NRP2: variants seen among roughly 807,000 people sequenced by gnomAD.
NRP2 encodes the protein neuropilin-2.
In NRP2, 52 loss-of-function variants were observed where a neutral mutation model predicts 110.4. The ratio of observed to expected loss-of-function variants is 0.47; its 90% CI spans 0.38 to 0.59. The LOEUF is 0.59. NRP2 is among the 20% of genes least tolerant of loss of function. The pLI, the probability that NRP2 is intolerant of heterozygous loss-of-function variation, is 0.00. For synonymous variants in NRP2, 508 were observed against 468.9 expected, an observed-to-expected ratio of 1.08 and a Z score of -1.08; for missense variants, 1,049 against 1,203.0, an observed-to-expected ratio of 0.87 and a Z score of 1.89.
chr2:205,753,568 A>G (rs35761263), intron 12 of NRP2, among the ~76,000 whole-genome samples: 6,775 of 152,258 alleles, frequency 0.044, 179 homozygotes, highest in Middle Eastern at 0.054. Context: ...AGTTTCAGAA[A>G]GCCAGATTTC....
At chr2:205,755,686 A>G (rs561238499) in intron 12 of NRP2, among the ~76,000 whole-genome samples, 68 of 151,940 alleles carry the variant, frequency 4.5e-4, no homozygotes, top group African/African-American at 1.6e-3. Flanking sequence ...GGGGCAGAGC[A>G]ACTGCTAATG....
At chr2:205,741,168 T>C (rs11689420) in intron 8 of NRP2, among the ~76,000 whole-genome samples, 69,867 of 152,156 alleles carry the variant, frequency 0.46, 16,307 homozygotes, top group African/African-American at 0.51. Flanking sequence ...TGTGTGGGCA[T>C]ATGGACAAGT....
In NRP2 at chr2:205,711,773, T is replaced by A. The variant is rs143993050; in HGVS notation, c.252-4420T>A. 1.5e-3 allele frequency among the ~76,000 whole-genome samples: 225 copies of A among 152,228 alleles called. 1 individual carries two copies. The highest frequency in any genetic ancestry group is 0.01 in the South Asian group (49 of 4,820). On this transcript the variant is annotated intron_variant, in intron 2 of 16. Transcript: ENST00000357785. ...GATACAGAAATCCCCTTCCAAGTGGTTCTGTGTGGCATCCCTAAAGCTGGA... is the reference window on the plus strand; with the variant it reads ...GATACAGAAATCCCCTTCCAAGTGGATCTGTGTGGCATCCCTAAAGCTGGA...
chr2:205,783,626 G>T (rs1219790226), intron 15 of NRP2, among the ~76,000 whole-genome samples: 2 of 152,200 alleles, frequency 1.3e-5, no homozygotes, highest in Non-Finnish European at 2.9e-5. Context: ...AATACCCAAA[G>T]GAAAGGCACT....
At chr2:205,753,395 G>C (rs565953451) in intron 12 of NRP2, among the ~76,000 whole-genome samples, 133 of 152,296 alleles carry the variant, frequency 8.7e-4, no homozygotes, top group African/African-American at 3.2e-3. Flanking sequence ...CTGGCCTTGA[G>C]TTTGATTTAT....
intron 8 of NRP2, among the ~76,000 whole-genome samples, chr2:205,741,362 T>C (rs1489418933): frequency 3.3e-5 from 5 of 152,120 alleles, no homozygotes; most frequent in African/African-American, 4.8e-5. Context: ...ATAACAGACA[T>C]TACCTGGTGA....
At chr2:205,732,776 TG>T (rs1235994666) in intron 7 of NRP2, among the ~76,000 whole-genome samples, 9 of 152,244 alleles carry the variant, frequency 5.9e-5, no homozygotes, top group Non-Finnish European at 1.3e-4. Context: ...GGGCCTGCAT[TG>T]AGCTGCCTCA....
chr2:205,713,979 C>T (rs1233802606), intron 2 of NRP2, among the ~76,000 whole-genome samples: 1 of 152,154 alleles, frequency 6.6e-6, no homozygotes, highest in Non-Finnish European at 1.5e-5. Context: ...TTTCCATTCC[C>T]GCTGATACTA....
intron 12 of NRP2, among the ~76,000 whole-genome samples, chr2:205,755,799 C>T (rs1240554502): frequency 6.6e-6 from 1 of 152,068 alleles, no homozygotes; most frequent in Non-Finnish European, 1.5e-5. Context: ...GAGCGTGTGC[C>T]ATATGCTTCA....
chr2:205,767,419 C>T (rs773077114), intron 15 of NRP2: 11 of 517,314 alleles, frequency 2.1e-5, no homozygotes, highest in Non-Finnish European at 2.3e-5. Flanking sequence ...ATTTAGGACC[C>T]GGTGTCCAGT....
In NRP2 at chr2:205,716,236, G is replaced by A. The variant is rs1443129896; in HGVS notation, c.295G>A (p.Asp99Asn). 1 of 1,614,198 alleles carries A rather than the reference G, an allele frequency of 6.2e-7. No homozygotes were observed. Among genetic ancestry groups the A allele is most frequent in the Admixed American group, 1.7e-5 (1 of 60,024 alleles). ...EIRDGDSESADLLGKHCGNIA... is the reference protein window; with the variant it reads ...EIRDGDSESANLLGKHCGNIA... ...TCGGGATGGGGACAGTGAATCCGCA[G>A]ACCTCCTGGGCAAACACTGTGGGAA... The change falls in exon 3 of 17, where the codon GAC becomes AAC. Residue 99 changes from aspartate to asparagine, a missense_variant. Physicochemically the swap from Asp to Asn is conservative, Grantham distance 23. Transcript: ENST00000357785.
chr2:205,708,670 T>C (rs367654549), intron 2 of NRP2, among the ~76,000 whole-genome samples: 1 of 103,248 alleles, frequency 9.7e-6, no homozygotes, highest in African/African-American at 2.5e-5. Flanking sequence ...GTTTCCATTT[T>C]CTTGCCTTCA....
chr2:205,764,073 C>A, intron 13 of NRP2, 137 bp downstream of exon 13: 1 of 1,104,166 alleles, frequency 9.1e-7, no homozygotes, highest in Non-Finnish European at 1.3e-6. Context: ...CTGAATGACA[C>A]TCTTATTTGT....
chr2:205,722,169 T>TCACACACA (rs1559326246), intron 3 of NRP2: 1 of 332,380 alleles, frequency 3.0e-6, no homozygotes, highest in Admixed American at 4.3e-5. Context: ...TCTCTCTCTC[T>TCACACACA]CATACACACA....
intron 16 of NRP2, 68 bp downstream of exon 16, chr2:205,792,353 A>G (rs941212169): frequency 2.6e-5 from 30 of 1,147,304 alleles, no homozygotes; most frequent in Admixed American, 5.1e-5. Context: ...GTCAACAAAA[A>G]TAATGCTCTG....
At chr2:205,716,004 T>C (rs2056886245) in intron 2 of NRP2, among the ~76,000 whole-genome samples, 189 bp from the exon 3 acceptor site, 1 of 152,224 alleles carries the variant, frequency 6.6e-6, no homozygotes, top group Admixed American at 6.5e-5. Flanking sequence ...TCTGTGGCTT[T>C]CACAAAGCAC....
chr2:205,719,263 A>C lies in NRP2; in HGVS notation c.433+2889A>C, dbSNP rs1325388323. ...GAGGGCTCTAGAAGCCTTCGATGGT[A>C]CATTACCCTGGTGAGGCTCTGCTGT... On this transcript the variant is annotated intron_variant, in intron 3 of 16. Transcript: ENST00000357785. 3.3e-5 allele frequency among the ~76,000 whole-genome samples: 5 copies of C among 152,298 alleles called. No homozygotes were observed. In the East Asian group the frequency reaches 9.7e-4, roughly 30 times the overall value.
intron 15 of NRP2, among the ~76,000 whole-genome samples, chr2:205,788,878 G>T (rs992529872): frequency 6.6e-6 from 1 of 152,188 alleles, no homozygotes; most frequent in Admixed American, 6.5e-5. Context: ...TCCTGGGCAT[G>T]CAGTGAGCCC....
rs768198234 is a variant in NRP2 at position 205,795,045 on chromosome 2, G to C, written c.2768G>C (p.Cys923Ser). 49 of 1,613,982 alleles carry C rather than the reference G, an allele frequency of 3.0e-5. No homozygotes were observed. The highest frequency in any genetic ancestry group is 3.9e-5 in the Non-Finnish European group (46 of 1,180,002). The change falls in exon 17 of 17, where the codon TGC (cysteine) becomes TCC (serine). Residue 923 changes from cysteine to serine, a missense_variant. Cys to Ser is a moderately radical substitution (Grantham distance 112). Coordinates refer to ENST00000357785, the MANE Select transcript of NRP2 (RefSeq NM_003872.3). The part of the protein sequence containing the change: ...HKVKMNHQKC[C>S]SEA ...GTCAAGATGAACCACCAAAAGTGCTGCTCCGAGGCATGACGGATTGCACCT... is the reference window on the plus strand; with the variant it reads ...GTCAAGATGAACCACCAAAAGTGCTCCTCCGAGGCATGACGGATTGCACCT...
Sources: gnomAD v4.1 joint callset for allele counts (sites outside exome capture counted in the v4.1 genomes callset) on GRCh38, gnomAD v4.1.1 for gene constraint, MANE v1.5 for transcripts, NCBI Gene and HGNC (gene_info 2026-07-23, HGNC 2026-07-21) for gene names.